ZMAT3: variants seen among roughly 807,000 people sequenced by gnomAD.
ZMAT3 encodes zinc finger matrin-type 3.
Under a neutral mutation model 32.3 loss-of-function variants are expected in ZMAT3, and 17 were observed. That is an observed-to-expected ratio of 0.53 (90% CI 0.36 to 0.79). The LOEUF (loss-of-function observed/expected upper bound fraction) is 0.79, where lower values mean the gene tolerates loss of function less well. Among genes scored for constraint, ZMAT3 ranks in the 30% least tolerant of loss-of-function variants. The pLI, the probability that ZMAT3 is intolerant of heterozygous loss-of-function variation, is 0.00. For missense variants in ZMAT3, 329 were observed against 359.7 expected (o/e 0.91, Z 0.69); for synonymous variants, 120 against 133.1 (o/e 0.90, Z 0.68).
intron 2 of ZMAT3, among the ~76,000 whole-genome samples, chr3:179,056,295 G>A (rs1214529657): frequency 6.6e-6 from 1 of 151,842 alleles, no homozygotes; most frequent in Non-Finnish European, 1.5e-5. Context: ...AGATCAGGAG[G>A]AGCAGGCGAA....
intron 2 of ZMAT3, among the ~76,000 whole-genome samples, chr3:179,049,316 C>A (rs1408075045): frequency 6.6e-6 from 1 of 152,150 alleles, no homozygotes; most frequent in East Asian, 1.9e-4. Flanking sequence ...ACAATAAATG[C>A]ACTTCACAGA....
At chr3:179,037,827 A>C (rs938893428) in intron 2 of ZMAT3, among the ~76,000 whole-genome samples, 13 of 152,170 alleles carry the variant, frequency 8.5e-5, no homozygotes, top group Non-Finnish European at 1.6e-4. Flanking sequence ...GTTACTGACT[A>C]CCCTCTATGT....
At position 179,027,647 on chromosome 3, in the gene ZMAT3, A is replaced by AAT; in HGVS notation, c.555_556insAT (p.Ser186IlefsTer21). On this transcript the variant is annotated frameshift_variant and splice_region_variant, in exon 4 of 6. Coordinates refer to ENST00000311417, the MANE Select transcript of ZMAT3 (RefSeq NM_022470.4). LOFTEE classifies it high-confidence loss of function. ...CTCAGAGAAAATGGCAATACCTACG[A>AAT]GAATGAGTTACTCTGAGCTTCCGCC... The AAT allele has an allele frequency of 3.7e-6, 6 of 1,614,136 alleles. No homozygotes were observed. Among genetic ancestry groups the AAT allele is most frequent in the Non-Finnish European group, 5.1e-6 (6 of 1,180,008 alleles).
intron 2 of ZMAT3, among the ~76,000 whole-genome samples, chr3:179,056,212 A>C (rs1392033230): frequency 1.3e-5 from 2 of 152,112 alleles, no homozygotes; most frequent in African/African-American, 4.8e-5. Context: ...AAAAAACTTC[A>C]AAAGTCTGCC....
intron 2 of ZMAT3, among the ~76,000 whole-genome samples, chr3:179,055,521 C>A (rs895136480): frequency 6.7e-6 from 1 of 150,308 alleles, no homozygotes; most frequent in African/African-American, 2.4e-5. Context: ...CCCCTTTAAC[C>A]CAAACGGTCC....
At chr3:179,054,586 T>C (rs1444619894) in intron 2 of ZMAT3, among the ~76,000 whole-genome samples, 1 of 152,250 alleles carries the variant, frequency 6.6e-6, no homozygotes, top group Non-Finnish European at 1.5e-5. Flanking sequence ...AAAAATTCAA[T>C]ATGAGGCTAC....
At chr3:179,055,062 C>T (rs1228404191) in intron 2 of ZMAT3, among the ~76,000 whole-genome samples, 3 of 152,156 alleles carry the variant, frequency 2.0e-5, no homozygotes, top group South Asian at 2.1e-4. Flanking sequence ...AGTGGCCCGC[C>T]GCCATCTTGG....
At position 179,067,466 on chromosome 3, in the gene ZMAT3, T is replaced by C; in HGVS notation, c.270+17A>G. On this transcript the variant is annotated intron_variant, in intron 2 of 5. Transcript: ENST00000311417. ...TGTTCACCCTACTCAATGCCTGGTTTTCTTTTCTCCCTTTACCTGATAATG... is the reference window on the plus strand; with the variant it reads ...TGTTCACCCTACTCAATGCCTGGTTCTCTTTTCTCCCTTTACCTGATAATG... 1 of 1,611,006 alleles carries C rather than the reference T, an allele frequency of 6.2e-7. No individual in the cohort carries two copies. Among genetic ancestry groups the C allele is most frequent in the South Asian group, 1.1e-5 (1 of 91,044 alleles).
At chr3:179,064,313 T>G (rs1721295101) in intron 2 of ZMAT3, among the ~76,000 whole-genome samples, 1 of 152,266 alleles carries the variant, frequency 6.6e-6, no homozygotes, top group Admixed American at 6.5e-5. Flanking sequence ...TTAGTAAGTT[T>G]TTAGTCTTGA....
intron 2 of ZMAT3, among the ~76,000 whole-genome samples, chr3:179,035,670 T>C (rs1311649031): frequency 6.6e-6 from 1 of 152,194 alleles, no homozygotes; most frequent in East Asian, 1.9e-4. Context: ...ACCTCATCTG[T>C]CTTGTTTACT....
chr3:179,063,564 A>C (rs1386219830), intron 2 of ZMAT3, among the ~76,000 whole-genome samples: 1 of 152,190 alleles, frequency 6.6e-6, no homozygotes, highest in African/African-American at 2.4e-5. Context: ...TTAGCAAATA[A>C]ACTGGTGACT....
chr3:179,060,732 T>C (rs912160879), intron 2 of ZMAT3, among the ~76,000 whole-genome samples: 3 of 151,634 alleles, frequency 2.0e-5, no homozygotes, highest in Admixed American at 1.3e-4. Flanking sequence ...CCAGGACAAA[T>C]GAAAAAGTAT....
Position 179,031,241 on chromosome 3 carries a change from G to GA in ZMAT3, c.271-243dup, listed in dbSNP as rs753173864. On this transcript the variant is annotated intron_variant, in intron 2 of 5. Transcript: ENST00000311417. ...TTTCTCCTGGGTTATGTATGTACAG[G>GA]AAAAAAAAAAAACGCATATAGAAGA... is the stretch of plus-strand genomic sequence containing the variant. Among the ~76,000 whole-genome samples the GA allele has an allele frequency of 6.6e-3, 922 of 140,686 alleles. 4 individuals carry two copies. The highest frequency in any genetic ancestry group is 0.015 in the African/African-American group (585 of 38,084). 92.3% of individuals were successfully genotyped at this position (140,686 alleles called of 152,430 possible).
chr3:179,061,850 A>C (rs1346936697), intron 2 of ZMAT3, among the ~76,000 whole-genome samples: 1 of 152,196 alleles, frequency 6.6e-6, no homozygotes, highest in Non-Finnish European at 1.5e-5. Context: ...CTCAATGTTA[A>C]TTTTCAACAA....
chr3:179,023,438 G>C lies in ZMAT3; in HGVS notation c.*1579C>G, dbSNP rs1271871582. 6.6e-6 allele frequency: 1 copy of C among 151,194 alleles called. No individual in the cohort carries two copies. Among genetic ancestry groups the C allele is most frequent in the Non-Finnish European group, 1.5e-5 (1 of 67,844 alleles). The allele number at this position is 151,194 out of a possible 1,614,324, so 9.4% of individuals were successfully genotyped here. A position where few individuals can be genotyped will look rare whatever the true frequency, so the allele number is the denominator to read the frequency against. On this transcript the variant is annotated 3_prime_UTR_variant, in exon 6 of 6. Coordinates refer to ENST00000311417, the MANE Select transcript of ZMAT3 (RefSeq NM_022470.4). Reference sequence around the variant, plus strand: ...AAACGAAGATAGTGAAACTTTATTTGCTTTTTAAAAAATTCCTCTGTGTAT... The same window carrying C: ...AAACGAAGATAGTGAAACTTTATTTCCTTTTTAAAAAATTCCTCTGTGTAT...
chr3:179,034,947 G>A (rs144487800), intron 2 of ZMAT3, among the ~76,000 whole-genome samples: 2 of 152,258 alleles, frequency 1.3e-5, no homozygotes, highest in African/African-American at 4.8e-5. Flanking sequence ...TTCATTTGCA[G>A]TAGGTAACAG....
In ZMAT3 at chr3:179,043,512, C is replaced by T. The variant is rs1196633449; in HGVS notation, c.271-12513G>A. Among the ~76,000 whole-genome samples the T allele has an allele frequency of 3.9e-5, 6 of 152,182 alleles. No homozygotes were observed. The East Asian group carries it at 1.2e-3, about 29-fold the overall frequency. ...TAATAAATGGTGCTGGGAAAACTGG[C>T]TAGCCATATGTAGAAAGCTGAAACT... On this transcript the variant is annotated intron_variant, in intron 2 of 5. Coordinates refer to ENST00000311417, the MANE Select transcript of ZMAT3 (RefSeq NM_022470.4).
intron 5 of ZMAT3, among the ~76,000 whole-genome samples, chr3:179,026,556 T>C (rs1718885446): frequency 6.6e-6 from 1 of 151,984 alleles, no homozygotes; most frequent in Admixed American, 6.6e-5. Context: ...CCAGCTAATT[T>C]TGTATTTTCA....
chr3:179,023,760 A>AC lies in ZMAT3; in HGVS notation c.*1256dup, dbSNP rs1157553018. 1.1e-5 allele frequency: 1 copy of AC among 90,626 alleles called. No homozygotes were observed. Among genetic ancestry groups the AC allele is most frequent in the Non-Finnish European group, 2.0e-5 (1 of 50,346 alleles). 5.6% of individuals were successfully genotyped at this position (90,626 alleles called of 1,614,324 possible). ...TTTTGAGACGGAGTCTCGCTCTGTCACCCAGGCTGGAGTGCAGTGGCGCGA... is the reference window on the plus strand; with the variant it reads ...TTTTGAGACGGAGTCTCGCTCTGTCACCCCAGGCTGGAGTGCAGTGGCGCGA... On this transcript the variant is annotated 3_prime_UTR_variant, in exon 6 of 6. Coordinates refer to ENST00000311417, the MANE Select transcript of ZMAT3 (RefSeq NM_022470.4).
Sources: gnomAD v4.1 joint callset for allele counts (sites outside exome capture counted in the v4.1 genomes callset) on GRCh38, gnomAD v4.1.1 for gene constraint, MANE v1.5 for transcripts, NCBI Gene and HGNC (gene_info 2026-07-23, HGNC 2026-07-21) for gene names.